The following BANP variants were observed in gnomAD, a reference collection of about 807,000 sequenced individuals.
BANP encodes the protein BTG3 associated nuclear protein, also known as protein BANP.
BANP carries 11 observed loss-of-function variants against 68.1 expected under a neutral mutation model. That is an observed-to-expected ratio of 0.16 (90% CI 0.10 to 0.27). The LOEUF is 0.27. Ranked by LOEUF, BANP falls within the 10% of genes least tolerant of loss-of-function variation. BANP has a pLI of 1.00. For synonymous variants in BANP, 329 were observed against 303.2 expected (o/e 1.09, Z -0.88); for missense variants, 504 against 722.7 (o/e 0.70, Z 3.47).
In BANP at chr16:88,002,305, A is replaced by G. The variant is rs1324533099; in HGVS notation, c.363-1990A>G. Among the ~76,000 whole-genome samples the G allele has an allele frequency of 2.0e-5, 3 of 152,064 alleles. No individual in the cohort carries two copies. The highest frequency in any genetic ancestry group is 4.4e-5 in the Non-Finnish European group (3 of 68,006). ...AAACTGTTTTTGATGATCTCTGTCT[A>G]TTTTGTTGAAAGCAAAGATTGCAAC... is the stretch of plus-strand genomic sequence containing the variant. On this transcript the variant is annotated intron_variant, in intron 4 of 13. Transcript: ENST00000682872. The surrounding 1 kb of genome is among the most constrained non-coding windows in gnomAD (Gnocchi z 4.6).
At chr16:87,961,409 A>ACCCCCC (rs908188118) in intron 1 of BANP, among the ~76,000 whole-genome samples, 1 of 130,290 alleles carries the variant, frequency 7.7e-6, no homozygotes, top group Non-Finnish European at 1.8e-5. Flanking sequence ...CAGAATCTGC[A>ACCCCCC]CCCCCCCGGG....
chr16:88,016,764 C>A (rs988496053), intron 6 of BANP, among the ~76,000 whole-genome samples: 1 of 152,154 alleles, frequency 6.6e-6, no homozygotes, highest in African/African-American at 2.4e-5. Context: ...AGTGGCCGAC[C>A]GACGGATGTT....
At chr16:88,034,472 A>ATT (rs56731455) in intron 9 of BANP, among the ~76,000 whole-genome samples, 21 of 151,970 alleles carry the variant, frequency 1.4e-4, no homozygotes, top group South Asian at 4.1e-4. Context: ...GGATTCTTTG[A>ATT]TTTTTTTTGA....
rs1020124161 is a variant in BANP, at chr16:88,076,766, T to G, written c.*105T>G. 2.1e-6 allele frequency: 2 copies of G among 932,982 alleles called. No homozygotes were observed. Among genetic ancestry groups the G allele is most frequent in the African/African-American group, 3.4e-5 (2 of 59,638 alleles). The allele number at this position is 932,982 out of a possible 1,614,324, so 57.8% of individuals were successfully genotyped here. On this transcript the variant is annotated 3_prime_UTR_variant, in exon 14 of 14. Transcript: ENST00000682872. The stretch of plus-strand genomic sequence containing the variant: ...GCACAGGCAGCGGCTGCACGTGTTC[T>G]GCTGAAGTGCGTCTGAAGGCCGCTG...
intron 1 of BANP, among the ~76,000 whole-genome samples, chr16:87,956,399 C>T (rs188959449): frequency 3.1e-4 from 47 of 152,270 alleles, no homozygotes; most frequent in Admixed American, 9.8e-4. Flanking sequence ...ACACGGGTGA[C>T]GGTGGTGAAA....
intron 7 of BANP, among the ~76,000 whole-genome samples, chr16:88,025,028 C>G (rs1321460198): frequency 6.6e-6 from 1 of 152,140 alleles, no homozygotes; most frequent in Non-Finnish European, 1.5e-5. Flanking sequence ...TGGAATTTTT[C>G]TCCTGGAGTG....
At chr16:88,019,843 C>T (rs1301061441) in intron 7 of BANP, among the ~76,000 whole-genome samples, 1 of 152,154 alleles carries the variant, frequency 6.6e-6, no homozygotes, top group Non-Finnish European at 1.5e-5. Context: ...CTCCGCTGTT[C>T]CGTAGCTGCT....
intron 4 of BANP, among the ~76,000 whole-genome samples, chr16:87,996,489 G>T (rs7189423): frequency 0.3 from 14,161 of 47,590 alleles, 1,865 homozygotes; most frequent in Middle Eastern, 0.38. Context: ...GTGTTGCTGG[G>T]CCCTCGTCCT....
chr16:88,013,965 C>G (rs1431809021), intron 6 of BANP, among the ~76,000 whole-genome samples: 2 of 152,136 alleles, frequency 1.3e-5, no homozygotes, highest in African/African-American at 4.8e-5. Context: ...CTGTGCTGAG[C>G]AGGAAGCGCA....
chr16:87,998,129 G>A (rs759951880), intron 4 of BANP, among the ~76,000 whole-genome samples: 4 of 152,138 alleles, frequency 2.6e-5, no homozygotes, highest in East Asian at 1.9e-4. Context: ...GAATTCCTCC[G>A]TGTCCCAAAC....
chr16:87,989,825 G>A (rs1311875870), intron 4 of BANP, among the ~76,000 whole-genome samples: 2 of 109,032 alleles, frequency 1.8e-5, no homozygotes, highest in East Asian at 4.1e-4. Flanking sequence ...GACACAGGGC[G>A]GGTGATGGGG....
chr16:87,978,611 A>C, intron 2 of BANP: 2 of 470,116 alleles, frequency 4.3e-6, no homozygotes, highest in Non-Finnish European at 8.8e-6. Flanking sequence ...GCCTGTGAGG[A>C]GTCATGAGGC....
chr16:88,041,955 G>A (rs2080912981), intron 11 of BANP, among the ~76,000 whole-genome samples: 1 of 152,204 alleles, frequency 6.6e-6, no homozygotes, highest in Admixed American at 6.5e-5. Context: ...GTAGGAGGGT[G>A]AGAGACGCAG....
intron 9 of BANP, chr16:88,034,983 G>A (rs962364167): frequency 4.1e-5 from 10 of 246,092 alleles, no homozygotes; most frequent in African/African-American, 1.1e-4. Flanking sequence ...TGTCCAGCCC[G>A]GGACGTGAGT....
rs760498767 is a variant in BANP, at chr16:88,014,611, TGA to T, written c.656-3811_656-3810del. On this transcript the variant is annotated intron_variant, in intron 6 of 13. Transcript: ENST00000682872. ...AGTGTGTTTGAGCACTGTTAATTCC[TGA>T]GAGAGGCTGCAGGGATCTTTAGCAG... Among the ~76,000 whole-genome samples, 18 of 152,140 alleles carry T rather than the reference TGA, an allele frequency of 1.2e-4. 1 individual carries two copies. In the South Asian group the frequency reaches 2.7e-3, roughly 23 times the overall value.
chr16:88,027,133 G>A (rs1483283307), intron 7 of BANP, among the ~76,000 whole-genome samples: 1 of 152,262 alleles, frequency 6.6e-6, no homozygotes, highest in Non-Finnish European at 1.5e-5. Context: ...TGTGAGCTCA[G>A]GGCAGAGGGA....
chr16:88,023,420 G>A (rs1052498513), intron 7 of BANP, among the ~76,000 whole-genome samples: 1 of 151,992 alleles, frequency 6.6e-6, no homozygotes, highest in African/African-American at 2.4e-5. Flanking sequence ...AGCTGTGTAT[G>A]CTTCCCCCGG....
At chr16:87,994,524 T>C (rs4843773) in intron 4 of BANP, among the ~76,000 whole-genome samples, 98,646 of 152,162 alleles carry the variant, frequency 0.65, 32,515 homozygotes, top group African/African-American at 0.74. Context: ...GCAGTGGTTA[T>C]TTGGAGGGTT....
chr16:88,040,406 G>A (rs1005361448), intron 11 of BANP, among the ~76,000 whole-genome samples: 1 of 152,284 alleles, frequency 6.6e-6, no homozygotes, highest in African/African-American at 2.4e-5. Flanking sequence ...CCTCGATGTT[G>A]TCGACTGGGC....
Sources: allele counts gnomAD v4.1 joint callset (sites outside exome capture counted in the v4.1 genomes callset), GRCh38; gene constraint gnomAD v4.1.1; non-coding constraint Gnocchi (gnomAD v3.1); transcripts MANE v1.5; gene names NCBI Gene and HGNC (gene_info 2026-07-23, HGNC 2026-07-21).